Variants in FRY observed in about 807,000 individuals in gnomAD.
FRY encodes protein furry homolog.
A neutral mutation model predicts 348.4 loss-of-function variants in FRY; 128 were observed. The observed-to-expected ratio is 0.37, with a 90% CI of 0.32 to 0.43. The LOEUF (loss-of-function observed/expected upper bound fraction) is 0.43, where lower values mean the gene tolerates loss of function less well. Among genes scored for constraint, FRY ranks in the 20% least tolerant of loss-of-function variants. FRY has a pLI of 1.00. For synonymous variants in FRY, 1,370 were observed against 1,374.7 expected (o/e 1.00, Z 0.08); for missense variants, 2,736 against 3,695.2 (o/e 0.74, Z 6.73).
At chr13:32,061,637 G>A (rs1344143359) in intron 1 of FRY, among the ~76,000 whole-genome samples, 1 of 152,102 alleles carries the variant, frequency 6.6e-6, no homozygotes, top group Non-Finnish European at 1.5e-5. Flanking sequence ...CCTAAAAGCA[G>A]TTTTTTTCTT....
At chr13:32,107,578 G>A (rs777525669) in intron 3 of FRY, among the ~76,000 whole-genome samples, 13 of 152,118 alleles carry the variant, frequency 8.5e-5, no homozygotes, top group Non-Finnish European at 1.3e-4. Flanking sequence ...TGGCAACCAT[G>A]TGCCAAGCAT....
intron 56 of FRY, among the ~76,000 whole-genome samples, chr13:32,275,894 C>A (rs1211187119): frequency 2.0e-5 from 3 of 150,882 alleles, no homozygotes; most frequent in Non-Finnish European, 4.4e-5. Flanking sequence ...TTTTTTTTAG[C>A]CCCCATGATA....
intron 32 of FRY, 74 bp downstream of exon 32, chr13:32,209,183 CG>C (rs755020067): frequency 6.1e-4 from 919 of 1,517,764 alleles, no homozygotes; most frequent in Non-Finnish European, 7.9e-4. Context: ...AGTCAAACCC[CG>C]GGGAAAATGG....
chr13:32,152,951 A>G (rs559998145), intron 14 of FRY, among the ~76,000 whole-genome samples: 1 of 152,294 alleles, frequency 6.6e-6, no homozygotes, highest in South Asian at 2.1e-4. Flanking sequence ...CAGAAGGATC[A>G]GCATCTTCAC....
At chr13:32,129,827 C>T (rs1243740328) in intron 7 of FRY, among the ~76,000 whole-genome samples, 1 of 152,118 alleles carries the variant, frequency 6.6e-6, no homozygotes, top group Non-Finnish European at 1.5e-5. Flanking sequence ...ATGTTACCTC[C>T]CCACCTAAGC....
chr13:32,070,496 G>A (rs1400391623), intron 1 of FRY, among the ~76,000 whole-genome samples: 1 of 151,390 alleles, frequency 6.6e-6, no homozygotes, highest in Admixed American at 6.6e-5. Flanking sequence ...CACGTCTGTT[G>A]GCCACATAAA....
intron 39 of FRY, among the ~76,000 whole-genome samples, chr13:32,228,074 A>T (rs763548581): frequency 9.2e-5 from 14 of 152,152 alleles, no homozygotes; most frequent in Non-Finnish European, 2.1e-4. Flanking sequence ...AAGAAGACTA[A>T]TACCCAGGAA....
intron 40 of FRY, among the ~76,000 whole-genome samples, chr13:32,230,662 G>C (rs993811447): frequency 1.3e-5 from 2 of 152,058 alleles, no homozygotes; most frequent in Non-Finnish European, 2.9e-5. Flanking sequence ...ATATTCCTTT[G>C]GGTATATACT....
In FRY at chr13:32,239,600, A is replaced by G. The variant is rs933714979; in HGVS notation, c.6517-111A>G. The G allele has an allele frequency of 8.7e-6, 7 of 800,424 alleles. No individual in the cohort carries two copies. The East Asian group carries it at 1.8e-4, about 21-fold the overall frequency. 49.6% of individuals were successfully genotyped at this position (800,424 alleles called of 1,614,324 possible). On this transcript the variant is annotated intron_variant, in intron 45 of 60. Transcript: ENST00000542859. The surrounding 1 kb of genome is among the most constrained non-coding windows in gnomAD (Gnocchi z 4.3). ...AGCTAAGTATTTCCTGTAATTACCA[A>G]AAAGTGTATCAATCTACTTTCCAGA...
At position 32,163,583 on chromosome 13, in the gene FRY, A is replaced by C. The variant is rs1392759057; in HGVS notation, c.1892+2332A>C. On this transcript the variant is annotated intron_variant, in intron 17 of 60. Transcript: ENST00000542859. ...GTTCACTTTATTCAATAGAAGTCTA[A>C]TTGGTGATTATATACACTGAGGCCT... Among the ~76,000 whole-genome samples, 14 of 152,312 alleles carry C rather than the reference A, an allele frequency of 9.2e-5. No homozygotes were observed. The East Asian group carries it at 2.7e-3, about 29-fold the overall frequency.
chr13:32,034,063 C>T (rs1407411247), intron 1 of FRY, among the ~76,000 whole-genome samples: 2 of 152,316 alleles, frequency 1.3e-5, no homozygotes, highest in Non-Finnish European at 2.9e-5. Context: ...CACCTGCACG[C>T]GCATGCCTGG....
At position 32,161,213 on chromosome 13, in the gene FRY, T is replaced by C; in HGVS notation, c.1854T>C (p.Asp618=). The change falls in exon 17 of 61, where the codon GAT becomes GAC. Residue 618 remains aspartate (D), a synonymous_variant. Coordinates refer to ENST00000542859, the MANE Select transcript of FRY (RefSeq NM_023037.3). ...CTGCTATTCCTCGACTGCTTCCTGATGGGATGTCAAAACTTGAACTTATTG... is the reference window on the plus strand; with the variant it reads ...CTGCTATTCCTCGACTGCTTCCTGACGGGATGTCAAAACTTGAACTTATTG... ...CVAAIPRLLP[D]GMSKLELIDL... is the part of the protein sequence containing the mutation. 6.2e-7 allele frequency: 1 copy of C among 1,613,294 alleles called. No homozygotes were observed. The highest frequency in any genetic ancestry group is 8.5e-7 in the Non-Finnish European group (1 of 1,179,252).
At chr13:32,213,025 A>T (rs1294349100) in intron 35 of FRY, among the ~76,000 whole-genome samples, 9 of 152,118 alleles carry the variant, frequency 5.9e-5, no homozygotes, top group Admixed American at 1.3e-4. Flanking sequence ...AACTCAATTT[A>T]AAAAAAATGA....
chr13:32,076,902 C>T (rs556115092), intron 1 of FRY, among the ~76,000 whole-genome samples: 1 of 152,152 alleles, frequency 6.6e-6, no homozygotes, highest in African/African-American at 2.4e-5. Flanking sequence ...GTCTATTGAG[C>T]CTTTCATAGG....
intron 3 of FRY, among the ~76,000 whole-genome samples, chr13:32,115,096 A>G (rs575429641): frequency 1.3e-4 from 20 of 152,356 alleles, no homozygotes; most frequent in African/African-American, 4.8e-4. Flanking sequence ...ACATATAACC[A>G]TCATTATGGG....
chr13:32,048,039 G>A (rs1487208722), intron 1 of FRY, among the ~76,000 whole-genome samples: 3 of 152,072 alleles, frequency 2.0e-5, no homozygotes, highest in African/African-American at 7.2e-5. Context: ...AGCAACAGTG[G>A]CATTCTGTAA....
At chr13:32,209,848 T>G in intron 33 of FRY, 117 bp downstream of exon 33, 4 of 1,012,024 alleles carry the variant, frequency 4.0e-6, no homozygotes, top group Non-Finnish European at 6.2e-6. Flanking sequence ...GTTAGTCACA[T>G]GAATCTCCTG....
At chr13:32,123,070 G>A (rs2138719088) in intron 4 of FRY, among the ~76,000 whole-genome samples, 1 of 152,310 alleles carries the variant, frequency 6.6e-6, no homozygotes, top group Middle Eastern at 3.4e-3. Context: ...CATATCCCAT[G>A]CTCAAGGATA....
intron 1 of FRY, among the ~76,000 whole-genome samples, chr13:32,059,458 C>CAAAAA (rs10692049): frequency 4.0e-4 from 45 of 111,364 alleles, no homozygotes; most frequent in Non-Finnish European, 5.6e-4. Context: ...ACTTAGGAAG[C>CAAAAA]AAAAAAAAAA....
Sources: allele counts gnomAD v4.1 joint callset (sites outside exome capture counted in the v4.1 genomes callset), GRCh38; gene constraint gnomAD v4.1.1; non-coding constraint Gnocchi (gnomAD v3.1); transcripts MANE v1.5; gene names NCBI Gene and HGNC (gene_info 2026-07-23, HGNC 2026-07-21).